Variants in POLQ observed in about 807,000 individuals in gnomAD.
POLQ encodes epididymis secretory sperm binding protein.
A neutral mutation model predicts 259.2 loss-of-function variants in POLQ; 233 were observed. The ratio of observed to expected loss-of-function variants is 0.90; its 90% CI spans 0.81 to 1.00. The LOEUF (loss-of-function observed/expected upper bound fraction) is 1.00, where lower values mean the gene tolerates loss of function less well. POLQ is among the 50% of genes least tolerant of loss of function. The probability of loss-of-function intolerance (pLI) is 0.00; values close to 1 mark genes in which losing one functional copy is unlikely to be tolerated. For missense variants in POLQ, 2,871 were observed against 3,051.6 expected (o/e 0.94, Z 1.39); for synonymous variants, 1,025 against 1,048.8 (o/e 0.98, Z 0.44).
At chr3:121,461,123 G>A (rs1238788153) in intron 24 of POLQ, among the ~76,000 whole-genome samples, 1 of 152,118 alleles carries the variant, frequency 6.6e-6, no homozygotes, top group Non-Finnish European at 1.5e-5. Context: ...AATTACAAAA[G>A]TTGGACAACA....
chr3:121,462,409 C>T (rs1334506984), intron 24 of POLQ, among the ~76,000 whole-genome samples: 1 of 152,138 alleles, frequency 6.6e-6, no homozygotes, highest in Non-Finnish European at 1.5e-5. Context: ...GGAAAGGGAG[C>T]TGAAGCACAG....
At chr3:121,454,835 T>C (rs1446084626) in intron 25 of POLQ, among the ~76,000 whole-genome samples, 1 of 151,876 alleles carries the variant, frequency 6.6e-6, no homozygotes, top group Non-Finnish European at 1.5e-5. Flanking sequence ...AGACAGAAAG[T>C]TAACAAGGAT....
intron 26 of POLQ, among the ~76,000 whole-genome samples, chr3:121,446,306 A>T (rs1576399096): frequency 6.6e-6 from 1 of 152,108 alleles, no homozygotes; most frequent in Non-Finnish European, 1.5e-5. Flanking sequence ...TAGATACTTG[A>T]TATTAACTTT....
In POLQ at chr3:121,452,105, G is replaced by C. The variant is rs376686278; in HGVS notation, c.7153-2679C>G. On this transcript the variant is annotated intron_variant, in intron 25 of 29. Transcript: ENST00000264233. ...CCGAGTCATGCACAGGATATAATCT[G>C]TTGATGTGCCCTTTGCTAAGACCCT... Among the ~76,000 whole-genome samples the C allele has an allele frequency of 3.3e-5, 5 of 152,320 alleles. No individual in the cohort carries two copies. The East Asian group carries it at 7.7e-4, about 24-fold the overall frequency.
intron 24 of POLQ, among the ~76,000 whole-genome samples, chr3:121,464,017 A>C (rs1347319189): frequency 6.6e-6 from 1 of 152,214 alleles, no homozygotes; most frequent in Non-Finnish European, 1.5e-5. Context: ...TGAGAGTCCT[A>C]CAAAGATTAA....
rs192941198 is a variant in POLQ, at chr3:121,503,302, G to A, written c.1960-4632C>T. 2.5e-3 allele frequency among the ~76,000 whole-genome samples: 376 copies of A among 152,266 alleles called. 1 individual carries two copies. The highest frequency in any genetic ancestry group is 3.8e-3 in the Non-Finnish European group (261 of 68,014). ...GGCTATACCATCTACATTTGTGTAA[G>A]CACACTCTGTAATATTCACACAACA... On this transcript the variant is annotated intron_variant, in intron 12 of 29. Transcript: ENST00000264233.
chr3:121,461,128 A>G (rs2047788112), intron 24 of POLQ, among the ~76,000 whole-genome samples: 1 of 152,216 alleles, frequency 6.6e-6, no homozygotes. Context: ...CAAAAGTTGG[A>G]CAACACTCTG....
chr3:121,492,466 C>A (rs938563858), intron 15 of POLQ, among the ~76,000 whole-genome samples: 1 of 152,140 alleles, frequency 6.6e-6, no homozygotes, highest in Non-Finnish European at 1.5e-5. Context: ...GGGACACTAG[C>A]ATTCCAAAGA....
intron 24 of POLQ, among the ~76,000 whole-genome samples, chr3:121,464,269 G>A (rs1250261418): frequency 2.6e-5 from 4 of 152,094 alleles, no homozygotes; most frequent in Admixed American, 6.5e-5. Context: ...GCTCACACCT[G>A]TAATCCCAAT....
chr3:121,465,973 G>A (rs947609426), intron 24 of POLQ, among the ~76,000 whole-genome samples: 5 of 152,202 alleles, frequency 3.3e-5, no homozygotes, highest in Admixed American at 6.5e-5. Context: ...CAAAAGCTGA[G>A]ATAGGTTGAA....
chr3:121,529,711 T>C lies in POLQ; in HGVS notation c.1042A>G (p.Lys348Glu). Reference protein sequence around the residue: ...HSVLLFCPSKKWCEKLADIIA... With the variant: ...HSVLLFCPSKEWCEKLADIIA... The stretch of plus-strand genomic sequence containing the variant: ...ATATCTGCCAGCTTCTCACACCATT[T>C]CTTTGATGGACAAAAAAGTAATACT... Residue 348 changes from lysine (K) to glutamate (E), a missense_variant, in exon 7 of 30, where the codon AAA (lysine) becomes GAA (glutamate). Around this residue, in one of 3 missense-constraint regions of POLQ, gnomAD observed 783 missense variants for 906.2 expected, o/e 0.86. Coordinates refer to ENST00000264233, the MANE Select transcript of POLQ (RefSeq NM_199420.4). 6.2e-7 allele frequency: 1 copy of C among 1,613,128 alleles called. No individual in the cohort carries two copies. Among genetic ancestry groups the C allele is most frequent in the African/African-American group, 1.3e-5 (1 of 75,034 alleles).
chr3:121,466,363 CAAA>C (rs751087085), intron 24 of POLQ, among the ~76,000 whole-genome samples: 6 of 94,152 alleles, frequency 6.4e-5, no homozygotes, highest in Admixed American at 2.3e-4. Context: ...GACTCCGTCT[CAAA>C]AAAAAAAAAA....
chr3:121,482,133 A>G (rs188252880), intron 18 of POLQ, among the ~76,000 whole-genome samples: 23 of 152,306 alleles, frequency 1.5e-4, no homozygotes, highest in Non-Finnish European at 2.6e-4. Context: ...GAAAATGAAG[A>G]TGGACTCCTC....
intron 3 of POLQ, among the ~76,000 whole-genome samples, chr3:121,540,403 A>G (rs1248944071): frequency 6.6e-6 from 1 of 152,222 alleles, no homozygotes; most frequent in East Asian, 1.9e-4. Flanking sequence ...TTTCTTTAAC[A>G]ATCAGTATAA....
Position 121,449,259 on chromosome 3 carries a change from T to A in POLQ, c.7264+56A>T, listed in dbSNP as rs185862343. 1.1e-3 allele frequency: 973 copies of A among 907,602 alleles called. 9 individuals are homozygous for A. The African/African-American group carries it at 0.015, about 14-fold the overall frequency. The allele number at this position is 907,602 out of a possible 1,614,324, so 56.2% of individuals were successfully genotyped here. A position where few individuals can be genotyped will look rare whatever the true frequency, so the allele number is the denominator to read the frequency against. The stretch of plus-strand genomic sequence containing the variant: ...AAGAAAATTCCATTACACAAATTTT[T>A]AAAAATATAATATGGTAAGATGGTT... On this transcript the variant is annotated intron_variant, in intron 26 of 29. Coordinates refer to ENST00000264233, the MANE Select transcript of POLQ (RefSeq NM_199420.4).
At position 121,450,620 on chromosome 3, in the gene POLQ, A is replaced by G. The variant is rs150904129; in HGVS notation, c.7153-1194T>C. On this transcript the variant is annotated intron_variant, in intron 25 of 29. Coordinates refer to ENST00000264233, the MANE Select transcript of POLQ (RefSeq NM_199420.4). ...TTAATAGTGCTGAATATTGGCCCCA[A>G]CTTTTTTCTGGCTTGTAGGCTTTCT... Among the ~76,000 whole-genome samples the G allele has an allele frequency of 8.1e-3, 1,226 of 150,806 alleles. 14 individuals are homozygous for G. Among genetic ancestry groups the G allele is most frequent in the African/African-American group, 0.028 (1,159 of 41,020 alleles).
At chr3:121,493,764 C>T in intron 14 of POLQ, 43 bp from the exon 15 acceptor site, 1 of 1,538,514 alleles carries the variant, frequency 6.5e-7, no homozygotes, top group Non-Finnish European at 8.9e-7. Context: ...ATTTTTTTTA[C>T]AGACGAATTC....
At chr3:121,459,575 G>A (rs1261514083) in intron 25 of POLQ, among the ~76,000 whole-genome samples, 2 of 151,986 alleles carry the variant, frequency 1.3e-5, no homozygotes, top group African/African-American at 4.8e-5. Flanking sequence ...TAGAGACGGG[G>A]TTTCACTGTG....
intron 26 of POLQ, among the ~76,000 whole-genome samples, chr3:121,441,845 A>T (rs1340404887): frequency 6.6e-6 from 1 of 152,280 alleles, no homozygotes; most frequent in South Asian, 2.1e-4. Context: ...TTTTACAAAT[A>T]AATGAACAAC....
Sources: allele counts gnomAD v4.1 joint callset (sites outside exome capture counted in the v4.1 genomes callset), GRCh38; gene constraint gnomAD v4.1.1; regional missense constraint gnomAD v4.1.1; transcripts MANE v1.5; gene names NCBI Gene and HGNC (gene_info 2026-07-23, HGNC 2026-07-21).